Variants in ADAM2 observed in about 807,000 individuals in gnomAD.
ADAM2 encodes ADAM metallopeptidase domain 2.
A neutral mutation model predicts 99.3 loss-of-function variants in ADAM2; 101 were observed. That is an observed-to-expected ratio of 1.02 (90% CI 0.87 to 1.20). The LOEUF (loss-of-function observed/expected upper bound fraction) is 1.20, where lower values mean the gene tolerates loss of function less well. ADAM2 is among the 50% of genes most tolerant of loss of function. ADAM2 has a pLI of 0.00. For missense variants in ADAM2, 948 were observed against 878.7 expected (o/e 1.08, Z -1.00); for synonymous variants, 323 against 287.6 (o/e 1.12, Z -1.25).
chr8:39,787,989 G>T (rs1478556712), intron 9 of ADAM2, 96 bp downstream of exon 9: 1 of 821,984 alleles, frequency 1.2e-6, no homozygotes, highest in Non-Finnish European at 1.7e-6. Flanking sequence ...GAAAAAAATA[G>T]ATTTTTTTAA....
At chr8:39,746,987 T>A (rs549213618) in intron 18 of ADAM2, among the ~76,000 whole-genome samples, 45 of 152,296 alleles carry the variant, frequency 3.0e-4, no homozygotes, top group Non-Finnish European at 8.8e-5. Flanking sequence ...TCCCCACCAC[T>A]GTTTTCTGAA....
At position 39,777,090 on chromosome 8, in the gene ADAM2, G is replaced by T. The variant is rs755123530; in HGVS notation, c.963C>A (p.Ile321=). The T allele has an allele frequency of 2.5e-6, 4 of 1,600,886 alleles. No individual in the cohort carries two copies. The African/African-American group carries it at 4.0e-5, about 16-fold the overall frequency. ...GGCATTTGTTAATGTCATCATAAGT[G>T]ATCCCCATACTAAGGCTCAATAATT... ...LAQLLSLSMG[I]TYDDINKCQC... Residue 321 remains isoleucine, a synonymous_variant, in exon 11 of 21, where the codon ATC becomes ATA. Transcript: ENST00000265708.
intron 10 of ADAM2, among the ~76,000 whole-genome samples, chr8:39,784,618 G>C (rs996467259): frequency 6.6e-5 from 10 of 152,152 alleles, no homozygotes; most frequent in African/African-American, 2.4e-4. Context: ...GAGAAAATCA[G>C]TTCTGCTCTC....
At chr8:39,765,759 G>A (rs1161116836) in intron 14 of ADAM2, among the ~76,000 whole-genome samples, 1 of 151,838 alleles carries the variant, frequency 6.6e-6, no homozygotes, top group African/African-American at 2.4e-5. Flanking sequence ...TCTTTGTTTT[G>A]TTTTTCTTCA....
chr8:39,835,639 C>T (rs1287204876), intron 2 of ADAM2, among the ~76,000 whole-genome samples: 5 of 149,884 alleles, frequency 3.3e-5, no homozygotes, highest in Middle Eastern at 3.5e-3. Flanking sequence ...GCCGAGGTTG[C>T]GCCACTGCAC....
chr8:39,818,855 C>T (rs1805059618), intron 6 of ADAM2, among the ~76,000 whole-genome samples: 1 of 151,896 alleles, frequency 6.6e-6, no homozygotes, highest in Non-Finnish European at 1.5e-5. Flanking sequence ...TTACTGAAGA[C>T]TTAGGCTTAA....
At chr8:39,827,276 A>G (rs1406028919) in intron 3 of ADAM2, among the ~76,000 whole-genome samples, 1 of 152,178 alleles carries the variant, frequency 6.6e-6, no homozygotes, top group African/African-American at 2.4e-5. Context: ...CACTTCCACA[A>G]TGTTGGTGGA....
intron 1 of ADAM2, 72 bp downstream of exon 1, chr8:39,838,059 A>G (rs373643516): frequency 1.8e-5 from 27 of 1,519,544 alleles, no homozygotes; most frequent in African/African-American, 4.1e-5. Flanking sequence ...AGGGATGTCA[A>G]TGTAACTTGG....
chr8:39,806,157 C>T (rs1330799845), intron 7 of ADAM2, among the ~76,000 whole-genome samples: 1 of 151,972 alleles, frequency 6.6e-6, no homozygotes, highest in Admixed American at 6.6e-5. Flanking sequence ...GAGTGGAAGC[C>T]TTATTTTCGC....
At chr8:39,816,579 C>G (rs1315628634) in intron 6 of ADAM2, among the ~76,000 whole-genome samples, 1 of 152,116 alleles carries the variant, frequency 6.6e-6, no homozygotes, top group Admixed American at 6.5e-5. Context: ...GACTATATGA[C>G]CACGAGTGGT....
intron 7 of ADAM2, among the ~76,000 whole-genome samples, chr8:39,789,485 G>A (rs1418029955): frequency 2.0e-5 from 3 of 151,686 alleles, no homozygotes; most frequent in African/African-American, 2.4e-5. Flanking sequence ...TATTCAGAAT[G>A]TCCATAACAA....
intron 3 of ADAM2, among the ~76,000 whole-genome samples, chr8:39,827,379 C>A (rs758920141): frequency 6.6e-6 from 1 of 152,132 alleles, no homozygotes. Context: ...CGTCCCTTTA[C>A]TGGGCATATA....
At position 39,834,073 on chromosome 8, in the gene ADAM2, T is replaced by G. The variant is rs926739541; in HGVS notation, c.133-74A>C. 11 of 766,806 alleles carry G rather than the reference T, an allele frequency of 1.4e-5. No homozygotes were observed. The African/African-American group carries it at 1.9e-4, about 13-fold the overall frequency. 47.5% of individuals were successfully genotyped at this position (766,806 alleles called of 1,614,324 possible). A position where few individuals can be genotyped will look rare whatever the true frequency, so the allele number is the denominator to read the frequency against. On this transcript the variant is annotated intron_variant, in intron 2 of 20. Coordinates refer to ENST00000265708, the MANE Select transcript of ADAM2 (RefSeq NM_001464.5). Reference sequence around the variant, plus strand: ...AGAAGGGATAACCATCATTTTACATTAATGATAATTGCATTCTAAAACACA... The same window carrying G: ...AGAAGGGATAACCATCATTTTACATGAATGATAATTGCATTCTAAAACACA...
chr8:39,752,545 C>G (rs914281334), intron 16 of ADAM2, among the ~76,000 whole-genome samples: 41 of 152,286 alleles, frequency 2.7e-4, no homozygotes, highest in Admixed American at 1.6e-3. Flanking sequence ...GGACTGGTTT[C>G]TGATTTGCCT....
intron 7 of ADAM2, among the ~76,000 whole-genome samples, chr8:39,794,119 G>A (rs1400451063): frequency 6.6e-6 from 1 of 152,108 alleles, no homozygotes; most frequent in Non-Finnish European, 1.5e-5. Flanking sequence ...ACTGTATCAG[G>A]CATATGGCTA....
chr8:39,802,208 C>G (rs1804244545), intron 7 of ADAM2, among the ~76,000 whole-genome samples: 1 of 152,184 alleles, frequency 6.6e-6, no homozygotes, highest in South Asian at 2.1e-4. Flanking sequence ...CTCACTGCCT[C>G]CCTTGGCTGG....
chr8:39,778,442 G>T (rs527304249), intron 10 of ADAM2, among the ~76,000 whole-genome samples: 1 of 152,166 alleles, frequency 6.6e-6, no homozygotes, highest in South Asian at 2.1e-4. Context: ...GGATGCTTAC[G>T]TCTCTTTGAA....
At chr8:39,814,624 G>A (rs1408628795) in intron 6 of ADAM2, among the ~76,000 whole-genome samples, 3 of 152,028 alleles carry the variant, frequency 2.0e-5, no homozygotes, top group African/African-American at 4.8e-5. Context: ...GAATATTCAG[G>A]AAGTTGGAAG....
In ADAM2 at chr8:39,824,868, T is replaced by C. The variant is rs529896682; in HGVS notation, c.218A>G (p.Tyr73Cys). The C allele has an allele frequency of 6.4e-7, 1 of 1,560,404 alleles. No individual in the cohort carries two copies. The highest frequency in any genetic ancestry group is 1.4e-5 in the African/African-American group (1 of 73,442). Residue 73 changes from tyrosine (Y) to cysteine (C), a missense_variant, in exon 4 of 21, where the codon TAC (tyrosine) becomes TGC (cysteine). Tyr to Cys is a radical substitution (Grantham distance 194). Coordinates refer to ENST00000265708, the MANE Select transcript of ADAM2 (RefSeq NM_001464.5). ...CATAATTCCTGTGCCACTATAACTG[T>C]AAACTCTAAAATTATGGGGTAAAAA... ...KNFLPHNFRV[Y>C]SYSGTGIMKP...
Sources: allele counts gnomAD v4.1 joint callset (sites outside exome capture counted in the v4.1 genomes callset), GRCh38; gene constraint gnomAD v4.1.1; transcripts MANE v1.5; gene names NCBI Gene and HGNC (gene_info 2026-07-23, HGNC 2026-07-21).